The following PLXDC2 variants were observed in gnomAD, a reference collection of about 807,000 sequenced individuals.
PLXDC2 encodes the protein plexin domain containing 2.
Under a neutral mutation model 68.9 loss-of-function variants are expected in PLXDC2, and 40 were observed. The observed-to-expected ratio is 0.58, with a 90% CI of 0.45 to 0.76. The LOEUF (loss-of-function observed/expected upper bound fraction) is 0.76, where lower values mean the gene tolerates loss of function less well. Among genes scored for constraint, PLXDC2 ranks in the 30% least tolerant of loss-of-function variants. The pLI, the probability that PLXDC2 is intolerant of heterozygous loss-of-function variation, is 0.00. For missense variants in PLXDC2, 644 were observed against 661.9 expected (o/e 0.97, Z 0.30); for synonymous variants, 243 against 234.2 (o/e 1.04, Z -0.34).
intron 9 of PLXDC2, among the ~76,000 whole-genome samples, chr10:20,200,297 G>A (rs910534915): frequency 4.6e-5 from 7 of 151,952 alleles, no homozygotes; most frequent in African/African-American, 1.7e-4. Context: ...GTTTAAAAAT[G>A]TAGAAATACA....
At chr10:20,029,591 A>G (rs1287076955) in intron 2 of PLXDC2, among the ~76,000 whole-genome samples, 1 of 152,182 alleles carries the variant, frequency 6.6e-6, no homozygotes, top group Non-Finnish European at 1.5e-5. Flanking sequence ...AAAATAAAAA[A>G]TAAATAAATA....
At chr10:19,971,934 C>T (rs74122124) in intron 1 of PLXDC2, among the ~76,000 whole-genome samples, 3,797 of 151,932 alleles carry the variant, frequency 0.025, 54 homozygotes, top group Middle Eastern at 0.041. Flanking sequence ...TGGGCAGGGG[C>T]GGCTAAAGCA....
chr10:19,937,557 T>TATATATAC (rs1554846752), intron 1 of PLXDC2, among the ~76,000 whole-genome samples: 2 of 81,276 alleles, frequency 2.5e-5, no homozygotes, highest in African/African-American at 9.9e-5. Context: ...TATATATATA[T>TATATATAC]ATATATATAT....
rs117654818 is a variant in PLXDC2 at position 19,825,388 on chromosome 10, T to G, written c.112+8197T>G. ...TCAATTCTCTATGTATTCCTTGGAGTGTTCAGTGATACAAAAAGTCTAAAT... is the reference window on the plus strand; with the variant it reads ...TCAATTCTCTATGTATTCCTTGGAGGGTTCAGTGATACAAAAAGTCTAAAT... On this transcript the variant is annotated intron_variant, in intron 1 of 13. Coordinates refer to ENST00000377252, the MANE Select transcript of PLXDC2 (RefSeq NM_032812.9). 3.0e-3 allele frequency among the ~76,000 whole-genome samples: 463 copies of G among 152,200 alleles called. 11 individuals are homozygous for G. In the East Asian group the frequency reaches 0.058, roughly 19 times the overall value.
chr10:20,066,067 A>T (rs956913022), intron 3 of PLXDC2, among the ~76,000 whole-genome samples: 1 of 152,244 alleles, frequency 6.6e-6, no homozygotes, highest in Non-Finnish European at 1.5e-5. Context: ...TGAATGGATT[A>T]CACAACTGTT....
At chr10:20,067,495 G>A (rs761854422) in intron 3 of PLXDC2, among the ~76,000 whole-genome samples, 7 of 152,010 alleles carry the variant, frequency 4.6e-5, no homozygotes, top group Non-Finnish European at 8.8e-5. Flanking sequence ...AGACCAGCCC[G>A]GCCAACATGG....
intron 13 of PLXDC2, among the ~76,000 whole-genome samples, chr10:20,266,537 A>C (rs1034211393): frequency 6.6e-6 from 1 of 152,196 alleles, no homozygotes; most frequent in Non-Finnish European, 1.5e-5. Context: ...TTAGCAGAAT[A>C]TATTTAGGAT....
chr10:20,235,906 C>T (rs1281926121), intron 12 of PLXDC2, among the ~76,000 whole-genome samples: 3 of 152,096 alleles, frequency 2.0e-5, no homozygotes, highest in Non-Finnish European at 2.9e-5. Context: ...GCTTCGTCGG[C>T]CTATTTTTGA....
chr10:20,226,694 T>C (rs1481778595), intron 12 of PLXDC2, among the ~76,000 whole-genome samples: 2 of 152,182 alleles, frequency 1.3e-5, no homozygotes, highest in East Asian at 1.9e-4. Flanking sequence ...AACGAGATGA[T>C]ATAGCAGAGT....
chr10:20,249,194 C>A (rs1659951560), intron 13 of PLXDC2, among the ~76,000 whole-genome samples: 2 of 152,098 alleles, frequency 1.3e-5, no homozygotes, highest in South Asian at 4.1e-4. Context: ...ATTCAACATT[C>A]ATTCAATAGC....
At chr10:19,817,849 G>A (rs1836384572) in intron 1 of PLXDC2, among the ~76,000 whole-genome samples, 1 of 152,202 alleles carries the variant, frequency 6.6e-6, no homozygotes, top group Non-Finnish European at 1.5e-5. Flanking sequence ...TCACAGACAG[G>A]CCTGAACGCG....
chr10:20,245,143 A>G lies in PLXDC2; in HGVS notation c.1313-202A>G, dbSNP rs573599998. 3.7e-4 allele frequency among the ~76,000 whole-genome samples: 57 copies of G among 152,302 alleles called. No individual in the cohort carries two copies. The South Asian group carries it at 0.012, about 31-fold the overall frequency. ...AAATAAAAATAAAACACAGTGATAA[A>G]TGTATTTTTACTCATGAATCCTATG... On this transcript the variant is annotated intron_variant, in intron 12 of 13. Coordinates refer to ENST00000377252, the MANE Select transcript of PLXDC2 (RefSeq NM_032812.9).
intron 9 of PLXDC2, among the ~76,000 whole-genome samples, chr10:20,180,383 C>A (rs973385334): frequency 6.6e-6 from 1 of 152,060 alleles, no homozygotes; most frequent in African/African-American, 2.4e-5. Context: ...TGCCTCATTG[C>A]ACTTTTGTTC....
intron 9 of PLXDC2, among the ~76,000 whole-genome samples, chr10:20,210,880 C>T (rs1835060803): frequency 6.6e-6 from 1 of 152,120 alleles, no homozygotes. Context: ...AGCTTGGTCT[C>T]CAGGGTTTTT....
chr10:20,252,143 T>C (rs12254347), intron 13 of PLXDC2, among the ~76,000 whole-genome samples: 2 of 152,144 alleles, frequency 1.3e-5, no homozygotes, highest in Admixed American at 6.6e-5. Context: ...AGTTTGCCTG[T>C]AAATAGTGGT....
chr10:20,201,917 A>C (rs1834925704), intron 9 of PLXDC2, among the ~76,000 whole-genome samples: 1 of 152,166 alleles, frequency 6.6e-6, no homozygotes. Flanking sequence ...GGTTGAACGT[A>C]AAACTAAAAC....
intron 1 of PLXDC2, among the ~76,000 whole-genome samples, chr10:19,944,394 T>C (rs1285626100): frequency 6.7e-6 from 1 of 148,362 alleles, no homozygotes; most frequent in Non-Finnish European, 1.5e-5. Context: ...TGTTAACTCG[T>C]GTGGTTGGTA....
chr10:20,115,948 G>A (rs550637767), intron 4 of PLXDC2, among the ~76,000 whole-genome samples: 137 of 152,198 alleles, frequency 9.0e-4, no homozygotes, highest in African/African-American at 3.1e-3. Flanking sequence ...AGAATTCCTC[G>A]CAGCACGATG....
chr10:19,966,953 C>G (rs1206714948), intron 1 of PLXDC2, among the ~76,000 whole-genome samples: 1 of 152,210 alleles, frequency 6.6e-6, no homozygotes, highest in East Asian at 1.9e-4. Flanking sequence ...CAGCCACATT[C>G]CGGAGCTGTG....
Sources: gnomAD v4.1 joint callset for allele counts (sites outside exome capture counted in the v4.1 genomes callset) on GRCh38, gnomAD v4.1.1 for gene constraint, MANE v1.5 for transcripts, NCBI Gene and HGNC (gene_info 2026-07-23, HGNC 2026-07-21) for gene names.